The following GALNTL6 variants were observed in gnomAD, a reference collection of about 807,000 sequenced individuals.
The protein encoded by GALNTL6 is polypeptide N-acetylgalactosaminyltransferase like 6, also known as polypeptide N-acetylgalactosaminyltransferase-like 6.
Under a neutral mutation model 73.7 loss-of-function variants are expected in GALNTL6, and 46 were observed. That is an observed-to-expected ratio of 0.62 (90% CI 0.49 to 0.80). The LOEUF (loss-of-function observed/expected upper bound fraction) is 0.80, where lower values mean the gene tolerates loss of function less well. GALNTL6 is among the 30% of genes least tolerant of loss of function. GALNTL6 has a pLI of 0.00. For missense variants in GALNTL6, 604 were observed against 755.0 expected (o/e 0.80, Z 2.34); for synonymous variants, 259 against 263.7 (o/e 0.98, Z 0.17).
chr4:172,602,596 T>C (rs945236772), intron 5 of GALNTL6, among the ~76,000 whole-genome samples: 7 of 152,052 alleles, frequency 4.6e-5, no homozygotes, highest in Non-Finnish European at 7.4e-5. Context: ...GCTCAGTTAA[T>C]CCAAAAGAAG....
At chr4:173,006,444 C>A (rs1752297991) in intron 10 of GALNTL6, among the ~76,000 whole-genome samples, 1 of 152,148 alleles carries the variant, frequency 6.6e-6, no homozygotes, top group Non-Finnish European at 1.5e-5. Context: ...ACAGAGTGTG[C>A]CAGGCTCAAG....
chr4:171,976,089 A>AT (rs1739713735), intron 2 of GALNTL6, among the ~76,000 whole-genome samples: 1 of 152,004 alleles, frequency 6.6e-6, no homozygotes, highest in Non-Finnish European at 1.5e-5. Context: ...TGCCCAGCTA[A>AT]TTTTTGTATT....
intron 10 of GALNTL6, among the ~76,000 whole-genome samples, chr4:172,975,059 G>A (rs1001139751): frequency 6.6e-6 from 1 of 152,214 alleles, no homozygotes; most frequent in Admixed American, 6.5e-5. Context: ...CACGTGGCAA[G>A]CAGGGGATGG....
intron 5 of GALNTL6, among the ~76,000 whole-genome samples, chr4:172,721,182 T>A (rs1735451498): frequency 6.6e-6 from 1 of 152,194 alleles, no homozygotes; most frequent in Non-Finnish European, 1.5e-5. Context: ...CACTTATTAG[T>A]CAATAATAAC....
chr4:172,534,969 A>C (rs574845011), intron 5 of GALNTL6, among the ~76,000 whole-genome samples: 2 of 152,340 alleles, frequency 1.3e-5, no homozygotes, highest in African/African-American at 4.8e-5. Context: ...AAAAAAGTGA[A>C]GTGATTTGTA....
chr4:172,974,634 T>C (rs1750726881), intron 10 of GALNTL6, among the ~76,000 whole-genome samples: 1 of 152,212 alleles, frequency 6.6e-6, no homozygotes, highest in Non-Finnish European at 1.5e-5. Flanking sequence ...GAGTTTTTAC[T>C]CGGGCCCCCT....
At chr4:172,932,090 G>C (rs1390816856) in intron 9 of GALNTL6, among the ~76,000 whole-genome samples, 1 of 152,012 alleles carries the variant, frequency 6.6e-6, no homozygotes, top group African/African-American at 2.4e-5. Context: ...TATTCATTTT[G>C]GTTCTTTTAC....
chr4:172,814,350 G>GT, intron 7 of GALNTL6, among the ~76,000 whole-genome samples: 1 of 152,162 alleles, frequency 6.6e-6, no homozygotes, highest in Middle Eastern at 3.4e-3. Context: ...ACGACATCCT[G>GT]TTTTTTCAGT....
chr4:172,626,860 T>C (rs1739190559), intron 5 of GALNTL6, among the ~76,000 whole-genome samples: 1 of 152,164 alleles, frequency 6.6e-6, no homozygotes, highest in South Asian at 2.1e-4. Context: ...TGAAACTTTA[T>C]TGAAATCATT....
chr4:172,889,988 G>A (rs1332471409), intron 8 of GALNTL6, among the ~76,000 whole-genome samples: 1 of 152,196 alleles, frequency 6.6e-6, no homozygotes, highest in Admixed American at 6.5e-5. Context: ...TTGGGAGTCT[G>A]TGTACTTCCA....
intron 2 of GALNTL6, among the ~76,000 whole-genome samples, chr4:171,929,624 T>C (rs1738111980): frequency 6.6e-6 from 1 of 152,174 alleles, no homozygotes; most frequent in African/African-American, 2.4e-5. Context: ...CTGTACGTGC[T>C]CGCTCCTGGC....
intron 2 of GALNTL6, among the ~76,000 whole-genome samples, chr4:172,156,541 A>G (rs7677535): frequency 0.24 from 1,687 of 7,096 alleles, 175 homozygotes; most frequent in African/African-American, 0.41. Context: ...TATATATATA[A>G]TATATATATA....
chr4:172,848,113 A>G (rs1347533363), intron 7 of GALNTL6, among the ~76,000 whole-genome samples: 4 of 152,218 alleles, frequency 2.6e-5, no homozygotes, highest in Admixed American at 2.6e-4. Flanking sequence ...GACATATCCT[A>G]CAAATGACTT....
chr4:172,692,846 A>G (rs936225440), intron 5 of GALNTL6, among the ~76,000 whole-genome samples: 1 of 152,178 alleles, frequency 6.6e-6, no homozygotes, highest in African/African-American at 2.4e-5. Flanking sequence ...GGCAACCTCT[A>G]TTTCCTTCTA....
chr4:172,285,967 T>C (rs1739229599), intron 3 of GALNTL6, among the ~76,000 whole-genome samples: 1 of 152,128 alleles, frequency 6.6e-6, no homozygotes, highest in Non-Finnish European at 1.5e-5. Context: ...GATACAAAAT[T>C]AACATCTCAG....
At chr4:172,001,740 T>A (rs1740681764) in intron 2 of GALNTL6, among the ~76,000 whole-genome samples, 1 of 152,094 alleles carries the variant, frequency 6.6e-6, no homozygotes. Context: ...GGGTTCTTCT[T>A]ACTCGTAAGA....
intron 5 of GALNTL6, among the ~76,000 whole-genome samples, chr4:172,733,186 A>G (rs1057039858): frequency 9.9e-5 from 15 of 152,188 alleles, no homozygotes; most frequent in African/African-American, 3.6e-4. Flanking sequence ...TTAGAATGAG[A>G]ATTCTGCTGA....
At chr4:173,026,373 T>C (rs111675081) in intron 12 of GALNTL6, among the ~76,000 whole-genome samples, 40 of 152,308 alleles carry the variant, frequency 2.6e-4, no homozygotes, top group Admixed American at 5.2e-4. Context: ...AAAGATTGAC[T>C]GGAATGGTGT....
intron 2 of GALNTL6, among the ~76,000 whole-genome samples, chr4:171,952,253 A>G (rs1295645596): frequency 2.0e-5 from 3 of 152,022 alleles, no homozygotes; most frequent in Non-Finnish European, 4.4e-5. Flanking sequence ...ACGGAGTCAA[A>G]AAGAGATTGA....
Sources: allele counts gnomAD v4.1 joint callset (sites outside exome capture counted in the v4.1 genomes callset), GRCh38; gene constraint gnomAD v4.1.1; transcripts MANE v1.5; gene names NCBI Gene and HGNC (gene_info 2026-07-23, HGNC 2026-07-21).